CEACAM20: variants seen among roughly 807,000 people sequenced by gnomAD.
CEACAM20 encodes CEA cell adhesion molecule 20.
CEACAM20 carries 50 observed loss-of-function variants against 61.2 expected under a neutral mutation model. The observed-to-expected ratio is 0.82, with a 90% CI of 0.65 to 1.03. The LOEUF is 1.03. Among genes scored for constraint, CEACAM20 ranks in the 50% least tolerant of loss-of-function variants. CEACAM20 has a pLI of 0.00. For synonymous variants in CEACAM20, 282 were observed against 287.7 expected (o/e 0.98, Z 0.20); for missense variants, 683 against 736.4 (o/e 0.93, Z 0.84).
intron 5 of CEACAM20, 57 bp from the exon 6 acceptor site, chr19:44,517,281 C>G: frequency 6.4e-7 from 1 of 1,573,426 alleles, no homozygotes; most frequent in Non-Finnish European, 8.6e-7. Context: ...TCATCCCATT[C>G]TGCCCCATTC....
rs774764245 is a variant in CEACAM20, at chr19:44,511,043, T to C, written c.1724A>G (p.Glu575Gly). 1.9e-6 allele frequency: 3 copies of C among 1,613,946 alleles called. No individual in the cohort carries two copies. Among genetic ancestry groups the C allele is most frequent in the Non-Finnish European group, 2.5e-6 (3 of 1,179,860 alleles). ...RLVSTVPKNM[E>G]SIYEELVNPE... is the part of the protein sequence containing the mutation. ...GCATAAACATACCTCATAGATTGACTCCATGTTTTTTGGCACAGTGGAGAC... is the reference window on the plus strand; with the variant it reads ...GCATAAACATACCTCATAGATTGACCCCATGTTTTTTGGCACAGTGGAGAC... Residue 575 changes from glutamate (E) to glycine (G), a missense_variant, in exon 11 of 12, where the codon GAG becomes GGG. Glu to Gly is a moderately conservative substitution (Grantham distance 98). Transcript: ENST00000614924.
chr19:44,514,153 G>A (rs972288852), intron 6 of CEACAM20, among the ~76,000 whole-genome samples: 1 of 152,278 alleles, frequency 6.6e-6, no homozygotes, highest in Middle Eastern at 3.4e-3. Flanking sequence ...TCATTTCTGA[G>A]TCTCATTTCT....
rs1971013786 is a variant in CEACAM20, at chr19:44,511,979, A to G, written c.1575+38T>C. The G allele has an allele frequency of 1.9e-6, 3 of 1,575,660 alleles. No individual in the cohort carries two copies. In the South Asian group the frequency reaches 3.5e-5, roughly 18 times the overall value. On this transcript the variant is annotated intron_variant, in intron 9 of 11. Transcript: ENST00000614924. ...GAAGTAAGACTATAGCAGCCTGGTC[A>G]GGGGATCAAGGAGGGTTCCCTCTGC...
rs757992589 is a variant in CEACAM20, at chr19:44,522,857, C to T, written c.528G>A (p.Val176=). 2 of 1,609,908 alleles carry T rather than the reference C, an allele frequency of 1.2e-6. No individual in the cohort carries two copies. Among genetic ancestry groups the T allele is most frequent in the Admixed American group, 1.7e-5 (1 of 59,156 alleles). Residue 176 remains valine, a synonymous_variant, in exon 4 of 12, where the codon GTG becomes GTA. Transcript: ENST00000614924. ...TGCTGGAGCCCTCCATCACCTCAACCACCTCCCCACTGGCAACACCAGACT... is the reference window on the plus strand; with the variant it reads ...TGCTGGAGCCCTCCATCACCTCAACTACCTCCCCACTGGCAACACCAGACT... The part of the protein sequence containing the change: ...KLESGVASGE[V]VEVMEGSSMT...
rs59294881 is a variant in CEACAM20 at position 44,515,218 on chromosome 19, AATG to A, written c.1309+1725_1309+1727del. On this transcript the variant is annotated intron_variant, in intron 6 of 11. Transcript: ENST00000614924. ...CCTGATACATACCAGATGCTTGACA[AATG>A]ATGATGATGATGATGATGATGATGA... Among the ~76,000 whole-genome samples the A allele has an allele frequency of 8.4e-3, 1,250 of 149,074 alleles. 9 individuals are homozygous for A. The highest frequency in any genetic ancestry group is 0.014 in the Middle Eastern group (4 of 286).
chr19:44,517,852 G>A (rs1397031033), intron 5 of CEACAM20, among the ~76,000 whole-genome samples: 3 of 151,868 alleles, frequency 2.0e-5, no homozygotes, highest in Non-Finnish European at 4.4e-5. Context: ...GTGGATGTGA[G>A]TGGAACTCCT....
At chr19:44,516,894 C>T in intron 6 of CEACAM20, 52 bp downstream of exon 6, 1 of 1,549,762 alleles carries the variant, frequency 6.5e-7, no homozygotes, top group Non-Finnish European at 8.7e-7. Context: ...CTGGGACCAG[C>T]ATCAGGAAAG....
chr19:44,517,321 A>G, intron 5 of CEACAM20, 97 bp from the exon 6 acceptor site: 2 of 1,414,524 alleles, frequency 1.4e-6, no homozygotes, highest in East Asian at 2.3e-5. Context: ...AGTAAAATAA[A>G]CAGAACATAC....
At chr19:44,506,277 G>A in intron 11 of CEACAM20, 63 bp from the exon 12 acceptor site, 1 of 1,447,682 alleles carries the variant, frequency 6.9e-7, no homozygotes, top group Non-Finnish European at 9.6e-7. Flanking sequence ...TCTACTCACT[G>A]TAGTCTGGGG....
At chr19:44,516,428 G>A (rs193217954) in intron 6 of CEACAM20, among the ~76,000 whole-genome samples, 1 of 152,206 alleles carries the variant, frequency 6.6e-6, no homozygotes, top group East Asian at 1.9e-4. Flanking sequence ...TGAATCATGG[G>A]GGTGGTTTCC....
intron 1 of CEACAM20, among the ~76,000 whole-genome samples, chr19:44,527,732 G>A (rs1971570747): frequency 6.6e-6 from 1 of 152,212 alleles, no homozygotes; most frequent in African/African-American, 2.4e-5. Context: ...TCCAGGGTTA[G>A]CCAGGAAGCG....
At chr19:44,508,988 T>C (rs1291420219) in intron 11 of CEACAM20, among the ~76,000 whole-genome samples, 1 of 151,804 alleles carries the variant, frequency 6.6e-6, no homozygotes, top group East Asian at 1.9e-4. Context: ...ATATCATGAA[T>C]GAAATGAAAG....
At chr19:44,509,297 T>C (rs1307107232) in intron 11 of CEACAM20, among the ~76,000 whole-genome samples, 1 of 149,834 alleles carries the variant, frequency 6.7e-6, no homozygotes, top group African/African-American at 2.5e-5. Context: ...GAGAGGAAAT[T>C]AGAGAAAAGT....
Position 44,525,251 on chromosome 19 carries a change from G to T in CEACAM20, c.53-7C>A, listed in dbSNP as rs756250034. On this transcript the variant is annotated splice_region_variant and splice_polypyrimidine_tract_variant and intron_variant, in intron 1 of 11. Coordinates refer to ENST00000614924, the MANE Select transcript of CEACAM20 (RefSeq NM_001102597.3). ...CATACGGTACAAAGCGAGGCTACAA[G>T]GGGAGAGAGGAGGCATTCAGGGAGG... 1.9e-5 allele frequency: 30 copies of T among 1,566,272 alleles called. No individual in the cohort carries two copies. Among genetic ancestry groups the T allele is most frequent in the Non-Finnish European group, 2.6e-5 (30 of 1,159,236 alleles).
At chr19:44,525,062 G>A (rs1195560184) in intron 2 of CEACAM20, 39 bp downstream of exon 2, 2 of 1,601,502 alleles carry the variant, frequency 1.2e-6, no homozygotes, top group Admixed American at 1.7e-5. Context: ...CTCCATGGAG[G>A]CAGAGATCAG....
intron 7 of CEACAM20, 103 bp downstream of exon 7, chr19:44,513,069 G>A (rs1244199700): frequency 7.7e-7 from 1 of 1,303,938 alleles, no homozygotes; most frequent in African/African-American, 1.5e-5. Context: ...GAATTCCCCA[G>A]GTGCCAGACA....
Position 44,506,174 on chromosome 19 carries a change from T to G in CEACAM20, c.1778A>C (p.Asn593Thr). ...TCTCTGCTTCCATTAGACGGAGGGG[T>G]TGATTTGGATGTAAGTGTTGGGCTC... ...NPEPNTYIQI[N>T]PSV Residue 593 changes from asparagine to threonine, a missense_variant, in exon 12 of 12, where the codon AAC becomes ACC. Physicochemically the swap from Asn to Thr is moderately conservative, Grantham distance 65. Transcript: ENST00000614924. 1 of 1,613,530 alleles carries G rather than the reference T, an allele frequency of 6.2e-7. No homozygotes were observed. Among genetic ancestry groups the G allele is most frequent in the Non-Finnish European group, 8.5e-7 (1 of 1,179,680 alleles).
intron 5 of CEACAM20, among the ~76,000 whole-genome samples, chr19:44,518,131 G>C (rs1211480474): frequency 1.6e-5 from 1 of 62,986 alleles, no homozygotes; most frequent in Non-Finnish European, 2.8e-5. Flanking sequence ...AGGAAGGAAG[G>C]AAGGAAGGAA....
At chr19:44,512,463 T>C (rs1038287723) in intron 8 of CEACAM20, among the ~76,000 whole-genome samples, 1 of 152,062 alleles carries the variant, frequency 6.6e-6, no homozygotes, top group Non-Finnish European at 1.5e-5. Flanking sequence ...AGATGGCAAA[T>C]ACGTTTCATT....
Sources: gnomAD v4.1 joint callset for allele counts (sites outside exome capture counted in the v4.1 genomes callset) on GRCh38, gnomAD v4.1.1 for gene constraint, MANE v1.5 for transcripts, NCBI Gene and HGNC (gene_info 2026-07-23, HGNC 2026-07-21) for gene names.